The following KIRREL3 variants were observed in gnomAD, a reference collection of about 807,000 sequenced individuals.
KIRREL3 encodes the protein kirre like nephrin family adhesion molecule 3.
In KIRREL3, 36 loss-of-function variants were observed where a neutral mutation model predicts 89.7. The ratio of observed to expected loss-of-function variants is 0.40; its 90% CI spans 0.31 to 0.53. The LOEUF is 0.53. KIRREL3 is among the 20% of genes least tolerant of loss of function. The probability of loss-of-function intolerance (pLI) is 0.49; values close to 1 mark genes in which losing one functional copy is unlikely to be tolerated. For missense variants in KIRREL3, 864 were observed against 1,056.6 expected (o/e 0.82, Z 2.53); for synonymous variants, 445 against 441.4 (o/e 1.01, Z -0.10).
chr11:126,828,161 C>A (rs992357240), intron 1 of KIRREL3, among the ~76,000 whole-genome samples: 2 of 152,170 alleles, frequency 1.3e-5, no homozygotes, highest in South Asian at 2.1e-4. Context: ...GTAATTCATC[C>A]GATTCTTCAT....
Position 126,763,373 on chromosome 11 carries a change from C to G in KIRREL3, c.56-200461G>C, listed in dbSNP as rs1049173995. 6.6e-6 allele frequency among the ~76,000 whole-genome samples: 1 copy of G among 152,208 alleles called. No homozygotes were observed. The highest frequency in any genetic ancestry group is 2.4e-5 in the African/African-American group (1 of 41,446). ...GGGCTGGGCAGGGCAGTGCTCCTCA[C>G]TTCCTCCATCTGCTCAGCACCCAAC... On this transcript the variant is annotated intron_variant, in intron 1 of 16. Coordinates refer to ENST00000525144, the MANE Select transcript of KIRREL3 (RefSeq NM_032531.4). The surrounding 1 kb of genome is among the most constrained non-coding windows in gnomAD (Gnocchi z 4.7).
rs1940462590 is a variant in KIRREL3 at position 126,565,644 on chromosome 11, AGAATT to A, written c.56-2737_56-2733del. ...AGCAGGTTGGAGGATGAGTGAAGTG[AGAATT>A]AGTTAATTGTCCATATATGAAAATT... On this transcript the variant is annotated intron_variant, in intron 1 of 16. Transcript: ENST00000525144. This position sits in a 1 kb window ranked among gnomAD's most constrained non-coding sequence, Gnocchi z 5.4. 6.6e-6 allele frequency among the ~76,000 whole-genome samples: 1 copy of A among 152,164 alleles called. No homozygotes were observed. Among genetic ancestry groups the A allele is most frequent in the African/African-American group, 2.4e-5 (1 of 41,434 alleles).
chr11:126,632,124 A>C (rs1365096801), intron 1 of KIRREL3, among the ~76,000 whole-genome samples: 1 of 152,246 alleles, frequency 6.6e-6, no homozygotes, highest in Non-Finnish European at 1.5e-5. Context: ...GGAGGGGCCC[A>C]AGAATCTGAA....
intron 4 of KIRREL3, among the ~76,000 whole-genome samples, chr11:126,504,542 C>G (rs762090831): frequency 2.9e-4 from 44 of 152,124 alleles, no homozygotes; most frequent in Non-Finnish European, 5.7e-4. Flanking sequence ...AAAATCTTCC[C>G]ATAAAGAAAG....
At position 126,612,512 on chromosome 11, in the gene KIRREL3, ATGT is replaced by A. The variant is rs768313623; in HGVS notation, c.56-49603_56-49601del. On this transcript the variant is annotated intron_variant, in intron 1 of 16. Coordinates refer to ENST00000525144, the MANE Select transcript of KIRREL3 (RefSeq NM_032531.4). This position sits in a 1 kb window ranked among gnomAD's most constrained non-coding sequence, Gnocchi z 4.5. Reference sequence around the variant, plus strand: ...TTTAAGTACATTCGTTAAAAAAGAGATGTTGTTCATATAACATAACATTTTCCC... The same window carrying A: ...TTTAAGTACATTCGTTAAAAAAGAGATGTTCATATAACATAACATTTTCCC... Among the ~76,000 whole-genome samples, 7 of 152,184 alleles carry A rather than the reference ATGT, an allele frequency of 4.6e-5. No homozygotes were observed. The highest frequency in any genetic ancestry group is 1.0e-4 in the Non-Finnish European group (7 of 68,048).
Position 126,696,691 on chromosome 11 carries a change from G to T in KIRREL3, c.56-133779C>A, listed in dbSNP as rs772379811. ...TCGCATGGCTCATAAGGCCCTTGGC[G>T]AGTTGACATCAGGCTCCCTCTCTCC... On this transcript the variant is annotated intron_variant, in intron 1 of 16. Transcript: ENST00000525144. This position sits in a 1 kb window ranked among gnomAD's most constrained non-coding sequence, Gnocchi z 4.4. Among the ~76,000 whole-genome samples the T allele has an allele frequency of 6.6e-6, 1 of 152,154 alleles. No homozygotes were observed. The highest frequency in any genetic ancestry group is 1.9e-4 in the East Asian group (1 of 5,186).
rs994093916 is a variant in KIRREL3 at position 126,522,133 on chromosome 11, G to A, written c.284-669C>T. ...GGGAGAAGAGATGGAAATGCTAAGC[G>A]TGGACAGACACCGCTGGCTTATTAT... On this transcript the variant is annotated intron_variant, in intron 3 of 16. Transcript: ENST00000525144. This position sits in a 1 kb window ranked among gnomAD's most constrained non-coding sequence, Gnocchi z 6.0. Among the ~76,000 whole-genome samples, 6 of 152,252 alleles carry A rather than the reference G, an allele frequency of 3.9e-5. No homozygotes were observed. Among genetic ancestry groups the A allele is most frequent in the South Asian group, 4.1e-4 (2 of 4,826 alleles).
rs1278729075 is a variant in KIRREL3, at chr11:126,802,334, C to T, written c.55+198121G>A. Among the ~76,000 whole-genome samples the T allele has an allele frequency of 2.0e-5, 3 of 152,150 alleles. 1 individual carries two copies. Among genetic ancestry groups the T allele is most frequent in the Non-Finnish European group, 4.4e-5 (3 of 68,030 alleles). On this transcript the variant is annotated intron_variant, in intron 1 of 16. Transcript: ENST00000525144. The surrounding 1 kb of genome is among the most constrained non-coding windows in gnomAD (Gnocchi z 5.2). ...GCAGCCCAGGGAGATGGCGTTAGTG[C>T]CAGGCGGCCCGTGGAGAAAAGCTTT...
chr11:126,465,188 C>T (rs543613076), intron 5 of KIRREL3, among the ~76,000 whole-genome samples: 37 of 152,224 alleles, frequency 2.4e-4, no homozygotes, highest in South Asian at 1.5e-3. Flanking sequence ...CTGTTTCCCC[C>T]GACTGGAGCC....
At chr11:126,440,281 T>C (rs1955510367) in intron 11 of KIRREL3, 168 bp downstream of exon 11, 3 of 716,634 alleles carry the variant, frequency 4.2e-6, no homozygotes, top group Admixed American at 2.0e-5. Flanking sequence ...AGGCCTGCAA[T>C]TGTGTCTTCA....
intron 2 of KIRREL3, among the ~76,000 whole-genome samples, chr11:126,554,877 C>T (rs117841900): frequency 0.031 from 4,745 of 152,178 alleles, 115 homozygotes; most frequent in Non-Finnish European, 0.048. Flanking sequence ...AGCGGCTGAG[C>T]GTCAGGGATA....
At chr11:126,514,683 A>G (rs1002642451) in intron 4 of KIRREL3, among the ~76,000 whole-genome samples, 16 of 152,206 alleles carry the variant, frequency 1.1e-4, no homozygotes, top group African/African-American at 2.4e-5. Context: ...CTCATTTTAC[A>G]CAGAAAGAAA....
At chr11:126,895,898 G>T (rs762059362) in intron 1 of KIRREL3, among the ~76,000 whole-genome samples, 2 of 152,182 alleles carry the variant, frequency 1.3e-5, no homozygotes, top group Non-Finnish European at 2.9e-5. Context: ...AACACTCCTT[G>T]CAGCACTCAC....
At chr11:126,593,980 A>G (rs1942273215) in intron 1 of KIRREL3, among the ~76,000 whole-genome samples, 1 of 152,192 alleles carries the variant, frequency 6.6e-6, no homozygotes, top group Non-Finnish European at 1.5e-5. Flanking sequence ...GCAGATGACA[A>G]ATCACAAAGA....
Position 126,747,348 on chromosome 11 carries a change from G to A in KIRREL3, c.56-184436C>T, listed in dbSNP as rs1029327815. ...CTCTTTGCTCATTATCTAGCGTAGC[G>A]TAAGTCCTCCATACTGAAAGCTAGT... On this transcript the variant is annotated intron_variant, in intron 1 of 16. Coordinates refer to ENST00000525144, the MANE Select transcript of KIRREL3 (RefSeq NM_032531.4). This position sits in a 1 kb window ranked among gnomAD's most constrained non-coding sequence, Gnocchi z 4.7. 1.3e-5 allele frequency among the ~76,000 whole-genome samples: 2 copies of A among 152,206 alleles called. No individual in the cohort carries two copies. The highest frequency in any genetic ancestry group is 2.1e-4 in the South Asian group (1 of 4,822).
At chr11:126,960,721 T>A (rs1459920410) in intron 1 of KIRREL3, among the ~76,000 whole-genome samples, 2 of 152,222 alleles carry the variant, frequency 1.3e-5, no homozygotes, top group East Asian at 3.8e-4. Flanking sequence ...TTCTTTCAAC[T>A]ATTTATCAAT....
At position 126,877,377 on chromosome 11, in the gene KIRREL3, T is replaced by C. The variant is rs1470892066; in HGVS notation, c.55+123078A>G. ...AATGTAAGTCAGGTTGGGCAGGGTT[T>C]GGTCAGTAACGGGGCAGAGGAAGTA... On this transcript the variant is annotated intron_variant, in intron 1 of 16. Transcript: ENST00000525144. The surrounding 1 kb of genome is among the most constrained non-coding windows in gnomAD (Gnocchi z 4.9). 6.6e-6 allele frequency among the ~76,000 whole-genome samples: 1 copy of C among 152,224 alleles called. No individual in the cohort carries two copies. The highest frequency in any genetic ancestry group is 1.5e-5 in the Non-Finnish European group (1 of 68,038).
rs1946723622 is a variant in KIRREL3 at position 126,909,490 on chromosome 11, G to C, written c.55+90965C>G. On this transcript the variant is annotated intron_variant, in intron 1 of 16. Transcript: ENST00000525144. The surrounding 1 kb of genome is among the most constrained non-coding windows in gnomAD (Gnocchi z 4.5). ...CACGTGCTAAGCGCCGACTCTCAGG[G>C]CATGGCTCTGAGGATGAGAGAGTGC... is the stretch of plus-strand genomic sequence containing the variant. Among the ~76,000 whole-genome samples the C allele has an allele frequency of 6.6e-6, 1 of 152,186 alleles. No homozygotes were observed.
chr11:126,776,767 T>C lies in KIRREL3; in HGVS notation c.56-213855A>G, dbSNP rs774812900. 2.6e-5 allele frequency among the ~76,000 whole-genome samples: 4 copies of C among 152,208 alleles called. No individual in the cohort carries two copies. Among genetic ancestry groups the C allele is most frequent in the Non-Finnish European group, 5.9e-5 (4 of 68,040 alleles). On this transcript the variant is annotated intron_variant, in intron 1 of 16. Transcript: ENST00000525144. This position sits in a 1 kb window ranked among gnomAD's most constrained non-coding sequence, Gnocchi z 4.7. ...TTCTTCTTTCACCAAGTCCTCTCCC[T>C]GCTGCTCTTTCCCATGGGAAGGGAG... is the stretch of plus-strand genomic sequence containing the variant.
Sources: allele counts gnomAD v4.1 joint callset (sites outside exome capture counted in the v4.1 genomes callset), GRCh38; gene constraint gnomAD v4.1.1; non-coding constraint Gnocchi (gnomAD v3.1); transcripts MANE v1.5; gene names NCBI Gene and HGNC (gene_info 2026-07-23, HGNC 2026-07-21).